The following CDK14 variants were observed in gnomAD, a reference collection of about 807,000 sequenced individuals.
CDK14 encodes cyclin-dependent kinase 14.
A neutral mutation model predicts 60.7 loss-of-function variants in CDK14; 34 were observed. The ratio of observed to expected loss-of-function variants is 0.56; its 90% CI spans 0.43 to 0.75. The LOEUF is 0.75. Among genes scored for constraint, CDK14 ranks in the 30% least tolerant of loss-of-function variants. CDK14 has a pLI of 0.00. For synonymous variants in CDK14, 197 were observed against 203.7 expected, an observed-to-expected ratio of 0.97 and a Z score of 0.28; for missense variants, 482 against 564.1, an observed-to-expected ratio of 0.85 and a Z score of 1.47.
intron 9 of CDK14, among the ~76,000 whole-genome samples, chr7:90,970,929 C>T (rs952594465): frequency 6.6e-6 from 1 of 152,048 alleles, no homozygotes; most frequent in East Asian, 1.9e-4. Context: ...TTTATTCCCT[C>T]ATTTTTTATT....
chr7:91,072,501 C>A (rs888433814), intron 11 of CDK14, among the ~76,000 whole-genome samples: 1 of 152,084 alleles, frequency 6.6e-6, no homozygotes, highest in African/African-American at 2.4e-5. Flanking sequence ...AAAATGTTCC[C>A]GCAAAAACCT....
chr7:90,759,460 A>C (rs920880849), intron 4 of CDK14, among the ~76,000 whole-genome samples: 2 of 152,242 alleles, frequency 1.3e-5, no homozygotes, highest in Non-Finnish European at 2.9e-5. Flanking sequence ...GGCTTTAAGC[A>C]ATATGATCTG....
chr7:91,069,016 C>CTCT (rs1488830072), intron 11 of CDK14, among the ~76,000 whole-genome samples: 1 of 152,040 alleles, frequency 6.6e-6, no homozygotes, highest in Non-Finnish European at 1.5e-5. Flanking sequence ...TGGTTTGTTT[C>CTCT]TCTGCTGTGT....
At chr7:90,891,605 G>A (rs760860416) in intron 6 of CDK14, among the ~76,000 whole-genome samples, 6 of 152,196 alleles carry the variant, frequency 3.9e-5, no homozygotes, top group Non-Finnish European at 5.9e-5. Flanking sequence ...TGAAACAGAA[G>A]TTAAGGATAT....
intron 7 of CDK14, among the ~76,000 whole-genome samples, chr7:90,912,052 A>C (rs1424257320): frequency 6.6e-6 from 1 of 152,186 alleles, no homozygotes; most frequent in Non-Finnish European, 1.5e-5. Context: ...TTGGATTTTT[A>C]TTACAGAAAA....
chr7:90,808,089 C>T (rs901013047), intron 5 of CDK14, among the ~76,000 whole-genome samples: 3 of 152,082 alleles, frequency 2.0e-5, no homozygotes, highest in Non-Finnish European at 2.9e-5. Flanking sequence ...GGCAGGCCAA[C>T]GTTCAAATTC....
At position 90,726,739 on chromosome 7, in the gene CDK14, C is replaced by CT. The variant is rs1419386911; in HGVS notation, c.298dup (p.Cys100LeufsTer3). The CT allele has an allele frequency of 6.2e-7, 1 of 1,613,678 alleles. No homozygotes were observed. The highest frequency in any genetic ancestry group is 8.5e-7 in the Non-Finnish European group (1 of 1,179,820). ...AAGAGGGTGCATTCTGAGAACAATG[C>CT]TTGCATTAACTTTAAGACCTCCTCC... is the stretch of plus-strand genomic sequence containing the variant. On this transcript the variant is annotated frameshift_variant, in exon 3 of 15. Coordinates refer to ENST00000380050, the MANE Select transcript of CDK14 (RefSeq NM_001287135.2). LOFTEE classifies it high-confidence loss of function.
chr7:90,782,003 T>G (rs1165936789), intron 4 of CDK14, among the ~76,000 whole-genome samples: 1 of 152,216 alleles, frequency 6.6e-6, no homozygotes, highest in Non-Finnish European at 1.5e-5. Context: ...TAAATTACCT[T>G]GGGCAGTATG....
chr7:91,008,742 G>T (rs953167479), intron 10 of CDK14, among the ~76,000 whole-genome samples: 1 of 152,106 alleles, frequency 6.6e-6, no homozygotes, highest in Non-Finnish European at 1.5e-5. Flanking sequence ...TTAAAAGAGG[G>T]TATTGAGTTA....
intron 10 of CDK14, among the ~76,000 whole-genome samples, chr7:91,037,159 T>C (rs1435515869): frequency 6.6e-6 from 1 of 152,258 alleles, no homozygotes; most frequent in Admixed American, 6.5e-5. Context: ...TTTATGTTTA[T>C]AGCTATCACA....
intron 12 of CDK14, among the ~76,000 whole-genome samples, chr7:91,108,197 ACT>A (rs2116337666): frequency 6.6e-6 from 1 of 152,178 alleles, no homozygotes; most frequent in Non-Finnish European, 1.5e-5. Flanking sequence ...ACTCTCAGCC[ACT>A]CTCAGGCTGA....
intron 14 of CDK14, among the ~76,000 whole-genome samples, chr7:91,162,938 A>G (rs1257717065): frequency 6.6e-6 from 1 of 152,076 alleles, no homozygotes; most frequent in Admixed American, 6.5e-5. Context: ...TTTCTCTGGG[A>G]AATGTTGGGG....
intron 11 of CDK14, among the ~76,000 whole-genome samples, chr7:91,053,765 G>C (rs1383641405): frequency 6.6e-6 from 1 of 152,160 alleles, no homozygotes; most frequent in African/African-American, 2.4e-5. Context: ...GGATGCAGCA[G>C]AAATTGTTGT....
At chr7:90,884,357 C>T (rs146300445) in intron 6 of CDK14, among the ~76,000 whole-genome samples, 2,452 of 152,116 alleles carry the variant, frequency 0.016, 21 homozygotes, top group Non-Finnish European at 0.022. Flanking sequence ...GAATAAAATA[C>T]CTAGGAATAG....
At chr7:90,826,096 G>A (rs188616564) in intron 5 of CDK14, among the ~76,000 whole-genome samples, 43 of 152,314 alleles carry the variant, frequency 2.8e-4, no homozygotes, top group African/African-American at 9.6e-4. Context: ...GAGTTCAACC[G>A]TCAGTAAACT....
At chr7:90,900,599 A>G (rs1483780853) in intron 7 of CDK14, among the ~76,000 whole-genome samples, 2 of 152,162 alleles carry the variant, frequency 1.3e-5, no homozygotes, top group African/African-American at 4.8e-5. Context: ...AATCAATAGT[A>G]CAATACATCT....
Position 90,656,998 on chromosome 7 carries a change from T to G in CDK14, c.123+52749T>G, listed in dbSNP as rs1340185275. Among the ~76,000 whole-genome samples the G allele has an allele frequency of 2.0e-5, 3 of 152,042 alleles. No homozygotes were observed. The East Asian group carries it at 5.8e-4, about 29-fold the overall frequency. ...CTCTGCTGACACCAACAAGATCGTG[T>G]GAACTGGAAATACTTGCAGAGAAAT... On this transcript the variant is annotated intron_variant, in intron 2 of 14. Coordinates refer to ENST00000380050, the MANE Select transcript of CDK14 (RefSeq NM_001287135.2).
At chr7:91,097,994 A>G (rs1657523229) in intron 12 of CDK14, among the ~76,000 whole-genome samples, 1 of 152,196 alleles carries the variant, frequency 6.6e-6, no homozygotes, top group African/African-American at 2.4e-5. Flanking sequence ...TAGAGAAGGC[A>G]GATAGGAAAC....
At chr7:91,169,050 C>T (rs112137982) in intron 14 of CDK14, among the ~76,000 whole-genome samples, 2 of 152,304 alleles carry the variant, frequency 1.3e-5, no homozygotes, top group Admixed American at 6.5e-5. Flanking sequence ...TCCTACTCTT[C>T]GTTCATCTTG....
Sources: allele counts gnomAD v4.1 joint callset (sites outside exome capture counted in the v4.1 genomes callset), GRCh38; gene constraint gnomAD v4.1.1; transcripts MANE v1.5; gene names NCBI Gene and HGNC (gene_info 2026-07-23, HGNC 2026-07-21).